The following MALRD1 variants were observed in gnomAD, a reference collection of about 807,000 sequenced individuals.
MALRD1 encodes the protein MAM and LDL receptor class A domain containing 1.
Under a neutral mutation model 242.1 loss-of-function variants are expected in MALRD1, and 247 were observed. That is an observed-to-expected ratio of 1.02 (90% CI 0.92 to 1.13). The LOEUF (loss-of-function observed/expected upper bound fraction) is 1.13. Ranked by LOEUF, MALRD1 falls within the 50% of genes most tolerant of loss-of-function variation. The pLI is 0.00. For missense variants in MALRD1, 2,989 were observed against 2,533.1 expected (o/e 1.18, Z -3.86); for synonymous variants, 995 against 866.6 (o/e 1.15, Z -2.60).
intron 36 of MALRD1, among the ~76,000 whole-genome samples, chr10:19,672,114 G>A (rs912736319): frequency 1.3e-5 from 2 of 151,954 alleles, no homozygotes; most frequent in African/African-American, 4.8e-5. Flanking sequence ...TTATTCCAGA[G>A]AGTCCACATC....
chr10:19,415,141 T>C (rs1833462092), intron 28 of MALRD1, among the ~76,000 whole-genome samples: 1 of 152,304 alleles, frequency 6.6e-6, no homozygotes, highest in East Asian at 1.9e-4. Flanking sequence ...ACACCAAAAC[T>C]ATAATTCAAT....
In MALRD1 at chr10:19,719,143, C is replaced by G. The variant is rs1044094495; in HGVS notation, c.6315-11563C>G. Among the ~76,000 whole-genome samples the G allele has an allele frequency of 5.0e-5, 6 of 119,062 alleles. No individual in the cohort carries two copies. In the South Asian group the frequency reaches 1.7e-3, roughly 34 times the overall value. 78.1% of individuals were successfully genotyped at this position (119,062 alleles called of 152,430 possible). A position where few individuals can be genotyped will look rare whatever the true frequency, so the allele number is the denominator to read the frequency against. On this transcript the variant is annotated intron_variant, in intron 38 of 39. Transcript: ENST00000454679. ...CTCCAACCTGGGCAGCAGAGCAAGA[C>G]ACTGTCCAAATTATATATATATATA...
At chr10:19,719,175 C>CATACATATATATATATACACAT (rs1834576241) in intron 38 of MALRD1, among the ~76,000 whole-genome samples, 1 of 32,206 alleles carries the variant, frequency 3.1e-5, no homozygotes, top group Non-Finnish European at 6.1e-5. Flanking sequence ...TATATACATA[C>CATACATATATATATATACACAT]ATATATATAT....
chr10:19,234,140 G>C (rs948351238), intron 18 of MALRD1, among the ~76,000 whole-genome samples: 1 of 151,648 alleles, frequency 6.6e-6, no homozygotes, highest in Non-Finnish European at 1.5e-5. Flanking sequence ...TGACATTATA[G>C]GTGTTCCTTG....
In MALRD1 at chr10:19,672,774, G is replaced by C. The variant is rs575652499; in HGVS notation, c.6138-19508G>C. On this transcript the variant is annotated intron_variant, in intron 36 of 39. Coordinates refer to ENST00000454679, the MANE Select transcript of MALRD1 (RefSeq NM_001142308.3). The stretch of plus-strand genomic sequence containing the variant: ...AGTTAGCCTTCATCTTTTTAAAAGA[G>C]TACATATAACCTGAGAATTACCTGT... 9.2e-5 allele frequency among the ~76,000 whole-genome samples: 14 copies of C among 152,062 alleles called. No homozygotes were observed. In the South Asian group the frequency reaches 2.9e-3, roughly 32 times the overall value.
At chr10:19,361,885 G>A (rs1424618325) in intron 26 of MALRD1, among the ~76,000 whole-genome samples, 1 of 152,084 alleles carries the variant, frequency 6.6e-6, no homozygotes, top group Non-Finnish European at 1.5e-5. Flanking sequence ...TTTATTGTTT[G>A]AATCACTTGT....
chr10:19,347,390 A>G (rs1471582915), intron 24 of MALRD1, among the ~76,000 whole-genome samples: 1 of 152,196 alleles, frequency 6.6e-6, no homozygotes, highest in African/African-American at 2.4e-5. Context: ...TTGGGGCAGC[A>G]TTACCCAACC....
intron 18 of MALRD1, among the ~76,000 whole-genome samples, chr10:19,239,586 G>A (rs1225163369): frequency 3.3e-5 from 5 of 152,082 alleles, no homozygotes; most frequent in South Asian, 2.1e-4. Flanking sequence ...CAAAGTTATA[G>A]AGAATTTCCC....
Position 19,719,215 on chromosome 10 carries a change from C to CATATAT in MALRD1, c.6315-11488_6315-11487insTATATA, listed in dbSNP as rs1366048990. ...ACATACATATATATATATATATACA[C>CATATAT]ATACATACATATATATATATATATA... is the stretch of plus-strand genomic sequence containing the variant. On this transcript the variant is annotated intron_variant, in intron 38 of 39. Transcript: ENST00000454679. Among the ~76,000 whole-genome samples, 508 of 84,274 alleles carry CATATAT rather than the reference C, an allele frequency of 6.0e-3. 19 individuals carry two copies. Among genetic ancestry groups the CATATAT allele is most frequent in the Middle Eastern group, 0.024 (4 of 170 alleles). The allele number at this position is 84,274 out of a possible 152,430, so 55.3% of individuals were successfully genotyped here. A position where few individuals can be genotyped will look rare whatever the true frequency, so the allele number is the denominator to read the frequency against.
chr10:19,266,875 T>C (rs1169154712), intron 19 of MALRD1, among the ~76,000 whole-genome samples: 1 of 152,002 alleles, frequency 6.6e-6, no homozygotes, highest in East Asian at 1.9e-4. Flanking sequence ...TATCATTAGA[T>C]ATAGGAATGA....
At chr10:19,371,246 C>G (rs1845362514) in intron 26 of MALRD1, among the ~76,000 whole-genome samples, 1 of 151,978 alleles carries the variant, frequency 6.6e-6, no homozygotes, top group African/African-American at 2.4e-5. Context: ...GAGACCCTGT[C>G]TCTTAAAAAA....
chr10:19,436,121 C>T (rs1219797706), intron 28 of MALRD1, among the ~76,000 whole-genome samples: 1 of 152,048 alleles, frequency 6.6e-6, no homozygotes, highest in African/African-American at 2.4e-5. Context: ...ATGTCCCAGG[C>T]TCTTGTAGAT....
At chr10:19,661,559 C>T (rs920655261) in intron 36 of MALRD1, among the ~76,000 whole-genome samples, 1 of 152,130 alleles carries the variant, frequency 6.6e-6, no homozygotes, top group Non-Finnish European at 1.5e-5. Flanking sequence ...GCTGCATGTT[C>T]TCACTCATAG....
intron 29 of MALRD1, among the ~76,000 whole-genome samples, chr10:19,458,274 T>A (rs957930523): frequency 5.9e-5 from 9 of 152,176 alleles, no homozygotes; most frequent in Non-Finnish European, 8.8e-5. Flanking sequence ...AAATATTGAT[T>A]AACAAAAAGT....
chr10:19,109,597 A>C (rs2131349409), intron 5 of MALRD1, among the ~76,000 whole-genome samples: 1 of 152,306 alleles, frequency 6.6e-6, no homozygotes, highest in East Asian at 1.9e-4. Context: ...CCTCCTGGCA[A>C]TTTATTCACA....
At chr10:19,269,208 C>A (rs1421089622) in intron 19 of MALRD1, among the ~76,000 whole-genome samples, 1 of 152,142 alleles carries the variant, frequency 6.6e-6, no homozygotes, top group African/African-American at 2.4e-5. Context: ...TATCTTGAAA[C>A]CTTAATCCCC....
At chr10:19,068,545 A>G (rs1184929726) in intron 2 of MALRD1, among the ~76,000 whole-genome samples, 3 of 152,074 alleles carry the variant, frequency 2.0e-5, no homozygotes, top group African/African-American at 7.2e-5. Context: ...GCTGCATAGG[A>G]AAAAGAGACA....
chr10:19,571,872 C>A (rs961870442), intron 33 of MALRD1, among the ~76,000 whole-genome samples: 1 of 152,116 alleles, frequency 6.6e-6, no homozygotes, highest in Admixed American at 6.6e-5. Flanking sequence ...AACAAAACAT[C>A]CAGATTTGTA....
intron 36 of MALRD1, among the ~76,000 whole-genome samples, chr10:19,650,335 T>C (rs1330060599): frequency 6.6e-6 from 1 of 152,192 alleles, no homozygotes; most frequent in Non-Finnish European, 1.5e-5. Context: ...AAATTTGTCA[T>C]CAGCAGCTGT....
Sources: allele counts gnomAD v4.1 joint callset (sites outside exome capture counted in the v4.1 genomes callset), GRCh38; gene constraint gnomAD v4.1.1; transcripts MANE v1.5; gene names NCBI Gene and HGNC (gene_info 2026-07-23, HGNC 2026-07-21).